DPYD: variants seen among roughly 807,000 people sequenced by gnomAD.
DPYD encodes the protein dihydropyrimidine dehydrogenase, also known as dihydropyrimidine dehydrogenase [NADP(+)].
A neutral mutation model predicts 116.2 loss-of-function variants in DPYD; 109 were observed. The observed-to-expected ratio is 0.94, with a 90% confidence interval of 0.80 to 1.10. DPYD has a LOEUF of 1.10. Among genes scored for constraint, DPYD ranks in the 50% least tolerant of loss-of-function variants. DPYD has a pLI of 0.00. For synonymous variants in DPYD, 440 were observed against 432.0 expected, an observed-to-expected ratio of 1.02 and a Z score of -0.23; for missense variants, 1,302 against 1,254.5, an observed-to-expected ratio of 1.04 and a Z score of -0.57.
At chr1:97,590,125 A>C (rs1207973705) in intron 10 of DPYD, among the ~76,000 whole-genome samples, 1 of 152,216 alleles carries the variant, frequency 6.6e-6, no homozygotes, top group Non-Finnish European at 1.5e-5. Flanking sequence ...TTTGATGTAT[A>C]CAAAACCAAG....
intron 8 of DPYD, among the ~76,000 whole-genome samples, chr1:97,616,908 A>C (rs1245496005): frequency 1.3e-5 from 2 of 152,024 alleles, no homozygotes; most frequent in Non-Finnish European, 2.9e-5. Context: ...TTTTTTTGAG[A>C]CGGAGTCTCC....
At chr1:97,106,417 G>A (rs942819415) in intron 20 of DPYD, among the ~76,000 whole-genome samples, 2 of 152,142 alleles carry the variant, frequency 1.3e-5, no homozygotes, top group Admixed American at 6.5e-5. Context: ...CCTGAGTAAA[G>A]AGAATGTGGG....
At chr1:97,263,012 C>A (rs947836927) in intron 18 of DPYD, among the ~76,000 whole-genome samples, 2 of 152,026 alleles carry the variant, frequency 1.3e-5, no homozygotes, top group African/African-American at 4.8e-5. Context: ...AGTGTCAATG[C>A]AAGACTTGAG....
intron 5 of DPYD, among the ~76,000 whole-genome samples, chr1:97,707,152 A>T (rs1315937513): frequency 6.6e-6 from 1 of 152,028 alleles, no homozygotes; most frequent in Non-Finnish European, 1.5e-5. Context: ...ATGACTTAGG[A>T]GGTGATTAGG....
At position 97,633,297 on chromosome 1, in the gene DPYD, A is replaced by G. The variant is rs141943575; in HGVS notation, c.851-38131T>C. Among the ~76,000 whole-genome samples, 30 of 152,216 alleles carry G rather than the reference A, an allele frequency of 2.0e-4. No homozygotes were observed. In the East Asian group the frequency reaches 4.8e-3, roughly 25 times the overall value. ...AGACAGAAATATAAAGTAGCAAGCA[A>G]TCTTAAGGCCCCTATAATGTAAAGG... is the stretch of plus-strand genomic sequence containing the variant. On this transcript the variant is annotated intron_variant, in intron 8 of 22. Coordinates refer to ENST00000370192, the MANE Select transcript of DPYD (RefSeq NM_000110.4).
intron 18 of DPYD, among the ~76,000 whole-genome samples, chr1:97,270,842 A>T (rs1249535084): frequency 6.6e-6 from 1 of 152,188 alleles, no homozygotes; most frequent in Admixed American, 6.6e-5. Context: ...TTCTGCTCTT[A>T]ATACCTGCCT....
At chr1:97,874,696 T>G (rs1388593943) in intron 2 of DPYD, among the ~76,000 whole-genome samples, 1 of 151,866 alleles carries the variant, frequency 6.6e-6, no homozygotes, top group East Asian at 1.9e-4. Context: ...TGTTTTTATT[T>G]TCAAAGAGTT....
chr1:97,654,829 A>C (rs921222868), intron 8 of DPYD, among the ~76,000 whole-genome samples: 1 of 152,198 alleles, frequency 6.6e-6, no homozygotes, highest in Non-Finnish European at 1.5e-5. Context: ...TCGCAGTTCC[A>C]TGTGGACTGA....
At chr1:97,805,907 A>C (rs1668059270) in intron 3 of DPYD, among the ~76,000 whole-genome samples, 1 of 151,868 alleles carries the variant, frequency 6.6e-6, no homozygotes, top group African/African-American at 2.4e-5. Context: ...CTTCCAAAAT[A>C]CAGAAATAAA....
chr1:97,264,448 A>C (rs980695519), intron 18 of DPYD, among the ~76,000 whole-genome samples: 2 of 151,866 alleles, frequency 1.3e-5, no homozygotes, highest in Non-Finnish European at 2.9e-5. Context: ...GGTCTCCCAA[A>C]GTGTTGGAAT....
intron 19 of DPYD, among the ~76,000 whole-genome samples, chr1:97,204,710 C>A (rs887084065): frequency 2.0e-5 from 3 of 151,950 alleles, no homozygotes; most frequent in African/African-American, 7.3e-5. Context: ...TCATTCCTGT[C>A]TTTATATTGG....
At chr1:97,554,494 C>T (rs1451777297) in intron 11 of DPYD, among the ~76,000 whole-genome samples, 2 of 151,996 alleles carry the variant, frequency 1.3e-5, no homozygotes, top group Admixed American at 6.6e-5. Context: ...TCATCTATGT[C>T]CTTGTTGTTT....
chr1:97,279,591 A>C (rs1456012975), intron 18 of DPYD, among the ~76,000 whole-genome samples: 1 of 152,010 alleles, frequency 6.6e-6, no homozygotes, highest in African/African-American at 2.4e-5. Context: ...GGTCACCGCA[A>C]CCTCCGCCTC....
chr1:97,289,556 C>A (rs1370133212), intron 18 of DPYD, among the ~76,000 whole-genome samples: 4 of 151,482 alleles, frequency 2.6e-5, no homozygotes, highest in South Asian at 2.1e-4. Context: ...TAAATGTAAT[C>A]CAGCATATAA....
chr1:97,293,977 T>G (rs977971971), intron 18 of DPYD, among the ~76,000 whole-genome samples: 1 of 151,960 alleles, frequency 6.6e-6, no homozygotes, highest in Non-Finnish European at 1.5e-5. Flanking sequence ...AATCACTAAA[T>G]GCTCCTGCTT....
intron 14 of DPYD, among the ~76,000 whole-genome samples, chr1:97,408,680 T>C (rs1169286534): frequency 1.3e-5 from 2 of 152,148 alleles, no homozygotes; most frequent in African/African-American, 4.8e-5. Flanking sequence ...TGTGAGGATG[T>C]TGCCAAAGGA....
At chr1:97,210,312 T>C (rs1403513037) in intron 19 of DPYD, among the ~76,000 whole-genome samples, 1 of 152,168 alleles carries the variant, frequency 6.6e-6, no homozygotes, top group Admixed American at 6.5e-5. Context: ...AAATGTACAT[T>C]TGATATGAAT....
chr1:97,079,185 C>T, intron 22 of DPYD, 39 bp from the exon 23 acceptor site: 1 of 1,607,354 alleles, frequency 6.2e-7, no homozygotes, highest in Non-Finnish European at 8.5e-7. Context: ...TCACTGACCA[C>T]AAAGGTCAAC....
At chr1:97,729,880 A>G (rs1333965861) in intron 4 of DPYD, among the ~76,000 whole-genome samples, 1 of 152,214 alleles carries the variant, frequency 6.6e-6, no homozygotes, top group East Asian at 1.9e-4. Context: ...AGCACTAGAT[A>G]TGAATGAAGA....
Sources: gnomAD v4.1 joint callset for allele counts (sites outside exome capture counted in the v4.1 genomes callset) on GRCh38, gnomAD v4.1.1 for gene constraint, MANE v1.5 for transcripts, NCBI Gene and HGNC (gene_info 2026-07-23, HGNC 2026-07-21) for gene names.